Variants in COG4 observed in about 807,000 individuals in gnomAD.
COG4 encodes component of oligomeric golgi complex 4, also known as conserved oligomeric Golgi complex subunit 4.
A neutral mutation model predicts 95.1 loss-of-function variants in COG4; 65 were observed. The ratio of observed to expected loss-of-function variants is 0.68; its 90% CI spans 0.56 to 0.84. The LOEUF (loss-of-function observed/expected upper bound fraction) is 0.84. COG4 is among the 40% of genes least tolerant of loss of function. The probability of loss-of-function intolerance (pLI) is 0.00; values close to 1 mark genes in which losing one functional copy is unlikely to be tolerated. For synonymous variants in COG4, 421 were observed against 374.8 expected (o/e 1.12, Z -1.42); for missense variants, 1,045 against 989.1 (o/e 1.06, Z -0.76).
chr16:70,480,971 C>T lies in COG4; in HGVS notation c.*39G>A, dbSNP rs1241607899. 4.3e-6 allele frequency: 7 copies of T among 1,609,632 alleles called. No homozygotes were observed. The highest frequency in any genetic ancestry group is 5.9e-6 in the Non-Finnish European group (7 of 1,179,858). Reference sequence around the variant, plus strand: ...TGGCTGGGGCCCCTTAGGGAACAGGCCTGCAAGTGTGATGAGCCAGGTGTG... The same window carrying T: ...TGGCTGGGGCCCCTTAGGGAACAGGTCTGCAAGTGTGATGAGCCAGGTGTG... On this transcript the variant is annotated 3_prime_UTR_variant, in exon 19 of 19. Coordinates refer to ENST00000323786, the MANE Select transcript of COG4 (RefSeq NM_015386.3).
At chr16:70,499,566 A>C (rs2049406278) in intron 9 of COG4, among the ~76,000 whole-genome samples, 1 of 152,192 alleles carries the variant, frequency 6.6e-6, no homozygotes, top group Non-Finnish European at 1.5e-5. Context: ...TTTTTCCTTT[A>C]ATTCTTACTT....
At chr16:70,493,609 G>C (rs2049287606) in intron 12 of COG4, among the ~76,000 whole-genome samples, 1 of 152,148 alleles carries the variant, frequency 6.6e-6, no homozygotes, top group African/African-American at 2.4e-5. Context: ...AACCCAAAAA[G>C]GTATTTGAGA....
chr16:70,511,358 TATC>T (rs2049700216), intron 5 of COG4, among the ~76,000 whole-genome samples: 1 of 152,164 alleles, frequency 6.6e-6, no homozygotes, highest in South Asian at 2.1e-4. Context: ...TAGGGAACGG[TATC>T]ATTTTTCTTA....
intron 13 of COG4, among the ~76,000 whole-genome samples, chr16:70,487,406 G>C (rs551391533): frequency 1.1e-4 from 16 of 151,780 alleles, no homozygotes; most frequent in South Asian, 8.3e-4. Flanking sequence ...AGACCAGCCT[G>C]GCCAACATGG....
chr16:70,491,688 GT>G (rs2049246557), intron 12 of COG4, among the ~76,000 whole-genome samples: 1 of 151,778 alleles, frequency 6.6e-6, no homozygotes. Flanking sequence ...GCCAGGCGTG[GT>G]GGCGGGTGCC....
chr16:70,507,559 CA>C (rs1435363925), intron 8 of COG4, among the ~76,000 whole-genome samples: 1 of 151,996 alleles, frequency 6.6e-6, no homozygotes, highest in Non-Finnish European at 1.5e-5. Flanking sequence ...ATGTATTTCT[CA>C]GAATGTACTC....
In COG4 at chr16:70,509,243, G is replaced by C. The variant is rs1165293570; in HGVS notation, c.990C>G (p.Asp330Glu). Reference protein sequence around the residue: ...KVVDKFIKQRDYHQQFRHVQN... With the variant: ...KVVDKFIKQREYHQQFRHVQN... ...TTCCCCTGCTCACCTGCTGGTGGTA[G>C]TCCCTTTGCTTGATGAACTTGTCTA... The change falls in exon 7 of 19, where the codon GAC (aspartate) becomes GAG (glutamate). Residue 330 changes from aspartate (D) to glutamate (E), a missense_variant. Asp to Glu is a conservative substitution (Grantham distance 45, BLOSUM62 2). Transcript: ENST00000323786. The C allele has an allele frequency of 6.2e-7, 1 of 1,613,984 alleles. No individual in the cohort carries two copies. The highest frequency in any genetic ancestry group is 1.3e-5 in the African/African-American group (1 of 74,904).
At chr16:70,522,746 C>G (rs369902653) in intron 1 of COG4, among the ~76,000 whole-genome samples, 1 of 152,074 alleles carries the variant, frequency 6.6e-6, no homozygotes, top group East Asian at 1.9e-4. Context: ...GGAAATAGAA[C>G]GTTATGAACT....
chr16:70,490,461 T>G, intron 12 of COG4, 69 bp from the exon 13 acceptor site: 1 of 1,283,446 alleles, frequency 7.8e-7, no homozygotes, highest in Non-Finnish European at 1.1e-6. Context: ...AATGCCAGAC[T>G]GGCTGACAGC....
rs539580657 is a variant in COG4, at chr16:70,513,609, G to C, written c.544+726C>G. Among the ~76,000 whole-genome samples, 87 of 152,268 alleles carry C rather than the reference G, an allele frequency of 5.7e-4. 1 individual carries two copies. The South Asian group carries it at 0.018, about 31-fold the overall frequency. ...AGATATAACAACATACCATGATAAA[G>C]TTATGCAAATGTGGCCTCTCTCTTA... is the stretch of plus-strand genomic sequence containing the variant. On this transcript the variant is annotated intron_variant, in intron 4 of 18. Coordinates refer to ENST00000323786, the MANE Select transcript of COG4 (RefSeq NM_015386.3).
intron 9 of COG4, among the ~76,000 whole-genome samples, chr16:70,498,828 A>G (rs2049392457): frequency 6.6e-6 from 1 of 152,248 alleles, no homozygotes; most frequent in African/African-American, 2.4e-5. Flanking sequence ...AGGAGTCAAA[A>G]GATGTAAGTT....
At chr16:70,508,707 T>A (rs180946015) in intron 7 of COG4, 1 of 648,560 alleles carries the variant, frequency 1.5e-6, no homozygotes, top group African/African-American at 1.8e-5. Flanking sequence ...GGTGTTCCAA[T>A]AGACTACTGT....
intron 9 of COG4, among the ~76,000 whole-genome samples, chr16:70,498,720 G>A (rs1353713855): frequency 6.6e-6 from 1 of 152,116 alleles, no homozygotes; most frequent in African/African-American, 2.4e-5. Context: ...GCCATTACTG[G>A]AGATAACAGA....
chr16:70,510,157 A>G, intron 5 of COG4, 136 bp from the exon 6 acceptor site: 1 of 726,702 alleles, frequency 1.4e-6, no homozygotes, highest in Non-Finnish European at 2.4e-6. Flanking sequence ...CCCAGGCAGC[A>G]CAGAGGAAAC....
chr16:70,486,117 G>T (rs959727417), intron 13 of COG4, among the ~76,000 whole-genome samples: 2 of 151,002 alleles, frequency 1.3e-5, no homozygotes, highest in East Asian at 3.9e-4. Context: ...GGATGGTCTC[G>T]ATCTCCTGAC....
At chr16:70,508,629 A>T (rs1015271298) in intron 7 of COG4, 165 bp from the exon 8 acceptor site, 5 of 707,884 alleles carry the variant, frequency 7.1e-6, no homozygotes, top group African/African-American at 7.0e-5. Context: ...TGACAGGCCA[A>T]AGATTTGTTT....
intron 11 of COG4, among the ~76,000 whole-genome samples, chr16:70,496,718 A>T (rs2049347409): frequency 6.6e-6 from 1 of 152,222 alleles, no homozygotes; most frequent in Non-Finnish European, 1.5e-5. Flanking sequence ...TGTGCGGCTT[A>T]GTGAACGCAG....
At chr16:70,487,536 C>G (rs549765436) in intron 13 of COG4, among the ~76,000 whole-genome samples, 1 of 152,284 alleles carries the variant, frequency 6.6e-6, no homozygotes, top group East Asian at 1.9e-4. Flanking sequence ...GAGCTGAGAT[C>G]GCGCCATTGC....
intron 13 of COG4, among the ~76,000 whole-genome samples, chr16:70,485,306 C>T (rs1016727651): frequency 6.6e-6 from 1 of 150,484 alleles, no homozygotes; most frequent in South Asian, 2.1e-4. Flanking sequence ...TGGGTTCAAG[C>T]GATTCTCGTG....
Sources: gnomAD v4.1 joint callset for allele counts (sites outside exome capture counted in the v4.1 genomes callset) on GRCh38, gnomAD v4.1.1 for gene constraint, MANE v1.5 for transcripts, NCBI Gene and HGNC (gene_info 2026-07-23, HGNC 2026-07-21) for gene names.